Variants in SLC8B1 observed in about 807,000 individuals in gnomAD.
SLC8B1 encodes the protein solute carrier family 8 member B1.
Under a neutral mutation model 63.4 loss-of-function variants are expected in SLC8B1, and 52 were observed. That is an observed-to-expected ratio of 0.82 (90% confidence interval 0.66 to 1.03). SLC8B1 has a LOEUF of 1.03. Ranked by LOEUF, SLC8B1 falls within the 50% of genes least tolerant of loss-of-function variation. The probability of loss-of-function intolerance (pLI) is 0.00; values close to 1 mark genes in which losing one functional copy is unlikely to be tolerated. For missense variants in SLC8B1, 657 were observed against 741.7 expected (o/e 0.89, Z 1.33); for synonymous variants, 336 against 323.9 (o/e 1.04, Z -0.40).
chr12:113,312,885 C>T (rs373834440), intron 11 of SLC8B1, among the ~76,000 whole-genome samples: 27 of 152,112 alleles, frequency 1.8e-4, no homozygotes, highest in Admixed American at 5.2e-4. Flanking sequence ...TTAGGAGGAC[C>T]GAGTAAGGTG....
In SLC8B1 at chr12:113,321,074, C is replaced by A. The variant is rs1956920545; in HGVS notation, c.344G>T (p.Gly115Val). The A allele has an allele frequency of 6.2e-7, 1 of 1,613,494 alleles. No homozygotes were observed. The highest frequency in any genetic ancestry group is 1.3e-5 in the African/African-American group (1 of 74,900). ...SWLLYLFLIL[G>V]VTAAKFFCPN... ...AACTCACAACTTGGCTGCGGTGACT[C>A]CCAGAATCAGAAACAGGTAGAGCAG... The change falls in exon 4 of 16, where the codon GGA becomes GTA. Residue 115 changes from glycine (G) to valine (V), a missense_variant. Gly to Val is a moderately radical substitution (Grantham distance 109). Coordinates refer to ENST00000680972, the MANE Select transcript of SLC8B1 (RefSeq NM_001358345.2).
At position 113,321,307 on chromosome 12, in the gene SLC8B1, G is replaced by A. The variant is rs755632264; in HGVS notation, c.198C>T (p.Asp66=). 2.5e-6 allele frequency: 4 copies of A among 1,614,166 alleles called. No homozygotes were observed. The highest frequency in any genetic ancestry group is 3.4e-6 in the Non-Finnish European group (4 of 1,180,036). ...GGCAGTCAGGGTTGGTCCGGATGAA[G>A]TCACAGCGGTCAGAGACATTCAGGC... The part of the protein sequence containing the change: ...VCGLNVSDRC[D]FIRTNPDCHS... The change falls in exon 3 of 16, where the codon GAC becomes GAT. Residue 66 remains aspartate, a synonymous_variant. Transcript: ENST00000680972.
intron 13 of SLC8B1, 131 bp from the exon 14 acceptor site, chr12:113,306,706 C>T (rs1956680763): frequency 2.8e-6 from 2 of 724,476 alleles, no homozygotes; most frequent in East Asian, 2.7e-5. Context: ...TGCCTGGGCA[C>T]TAGCTGGTGG....
At position 113,307,912 on chromosome 12, in the gene SLC8B1, C is replaced by T; in HGVS notation, c.1258-68G>A. On this transcript the variant is annotated intron_variant, in intron 12 of 15. Coordinates refer to ENST00000680972, the MANE Select transcript of SLC8B1 (RefSeq NM_001358345.2). ...ACAGGAACACAGCCTCAGTTCCTCA[C>T]CTGTGAAACGGGATGATAACAGTAT... 3 of 1,554,886 alleles carry T rather than the reference C, an allele frequency of 1.9e-6. No homozygotes were observed. The Admixed American group carries it at 5.4e-5, about 28-fold the overall frequency.
At chr12:113,323,554 C>T (rs1956958308) in intron 2 of SLC8B1, among the ~76,000 whole-genome samples, 1 of 152,004 alleles carries the variant, frequency 6.6e-6, no homozygotes, top group Non-Finnish European at 1.5e-5. Flanking sequence ...ACTAAAAATA[C>T]AAAAATGAGC....
In SLC8B1 at chr12:113,298,833, A is replaced by G. The variant is rs1174074653; in HGVS notation, c.*944T>C. On this transcript the variant is annotated 3_prime_UTR_variant, in exon 16 of 16. Coordinates refer to ENST00000680972, the MANE Select transcript of SLC8B1 (RefSeq NM_001358345.2). Reference sequence around the variant, plus strand: ...AGTTGAATCCCTTTTCTTTACCAGCATAAGGCAGTCAGGCAAACCTAAGAG... The same window carrying G: ...AGTTGAATCCCTTTTCTTTACCAGCGTAAGGCAGTCAGGCAAACCTAAGAG... The G allele has an allele frequency of 6.6e-6, 1 of 152,236 alleles. No homozygotes were observed. Among genetic ancestry groups the G allele is most frequent in the African/African-American group, 2.4e-5 (1 of 41,440 alleles). The allele number at this position is 152,236 out of a possible 1,614,324, so 9.4% of individuals were successfully genotyped here.
chr12:113,302,693 C>G (rs1259547661), intron 15 of SLC8B1: 1 of 456,124 alleles, frequency 2.2e-6, no homozygotes. Context: ...CACCTGCATC[C>G]TCCTCGTCTC....
rs141705555 is a variant in SLC8B1 at position 113,306,417 on chromosome 12, C to T, written c.1492+78G>A. 3.9e-6 allele frequency: 5 copies of T among 1,273,054 alleles called. No individual in the cohort carries two copies. In the African/African-American group the frequency reaches 6.0e-5, roughly 15 times the overall value. The allele number at this position is 1,273,054 out of a possible 1,614,324, so 78.9% of individuals were successfully genotyped here. ...CAGGTGTTACACCGAGAACCAATCC[C>T]CAGGGTGGGGCATGGAGCACACCCC... On this transcript the variant is annotated intron_variant, in intron 14 of 15. Coordinates refer to ENST00000680972, the MANE Select transcript of SLC8B1 (RefSeq NM_001358345.2).
intron 13 of SLC8B1, chr12:113,306,946 A>G (rs1243842218): frequency 3.4e-6 from 1 of 290,754 alleles, no homozygotes; most frequent in Non-Finnish European, 6.3e-6. Flanking sequence ...CCTTGTCTCT[A>G]TTAAAAATAC....
intron 1 of SLC8B1, among the ~76,000 whole-genome samples, chr12:113,333,655 CG>C: frequency 6.6e-6 from 1 of 152,040 alleles, no homozygotes; most frequent in Admixed American, 6.5e-5. Context: ...GTCACCCCCC[CG>C]CCCCCCACCC....
In SLC8B1 at chr12:113,298,821, T is replaced by C. The variant is rs148972977; in HGVS notation, c.*956A>G. The C allele has an allele frequency of 6.6e-6, 1 of 152,394 alleles. No individual in the cohort carries two copies. Among genetic ancestry groups the C allele is most frequent in the Non-Finnish European group, 1.5e-5 (1 of 68,036 alleles). The allele number at this position is 152,394 out of a possible 1,614,324, so 9.4% of individuals were successfully genotyped here. A position where few individuals can be genotyped will look rare whatever the true frequency, so the allele number is the denominator to read the frequency against. On this transcript the variant is annotated 3_prime_UTR_variant, in exon 16 of 16. Coordinates refer to ENST00000680972, the MANE Select transcript of SLC8B1 (RefSeq NM_001358345.2). ...TGGAAAAGAGACAGTTGAATCCCTT[T>C]TCTTTACCAGCATAAGGCAGTCAGG... is the stretch of plus-strand genomic sequence containing the variant.
Position 113,306,066 on chromosome 12 carries a change from C to CAAAAAAAAAAAAA in SLC8B1, c.1492+416_1492+428dup, listed in dbSNP as rs60824560. Among the ~76,000 whole-genome samples, 50 of 18,088 alleles carry CAAAAAAAAAAAAA rather than the reference C, an allele frequency of 2.8e-3. 3 individuals carry two copies. Among genetic ancestry groups the CAAAAAAAAAAAAA allele is most frequent in the Non-Finnish European group, 4.8e-3 (39 of 8,178 alleles). 11.9% of individuals were successfully genotyped at this position (18,088 alleles called of 152,430 possible). A position where few individuals can be genotyped will look rare whatever the true frequency, so the allele number is the denominator to read the frequency against. ...CGAGCCAGACTCCGTCCCCACCCTGCAAAAAAAAAAAAAAAAAAAAAAAAA... is the reference window on the plus strand; with the variant it reads ...CGAGCCAGACTCCGTCCCCACCCTGCAAAAAAAAAAAAAAAAAAAAAAAAAAAAAAAAAAAAAA... On this transcript the variant is annotated intron_variant, in intron 14 of 15. Coordinates refer to ENST00000680972, the MANE Select transcript of SLC8B1 (RefSeq NM_001358345.2).
intron 2 of SLC8B1, among the ~76,000 whole-genome samples, chr12:113,331,918 G>C (rs1023724143): frequency 2.0e-5 from 3 of 152,002 alleles, no homozygotes; most frequent in African/African-American, 7.2e-5. Flanking sequence ...AAGGCCTTTT[G>C]TAATCTGCCC....
chr12:113,299,768 C>T lies in SLC8B1; in HGVS notation c.*9G>A, dbSNP rs932958935. The T allele has an allele frequency of 1.1e-5, 17 of 1,613,604 alleles. No individual in the cohort carries two copies. The highest frequency in any genetic ancestry group is 1.4e-5 in the Non-Finnish European group (16 of 1,179,832). On this transcript the variant is annotated 3_prime_UTR_variant, in exon 16 of 16. Coordinates refer to ENST00000680972, the MANE Select transcript of SLC8B1 (RefSeq NM_001358345.2). ...CCTGCAGTGAGGCCACAGCACTAAG[C>T]GGCTTCAGTCACATGCTTTTCAGGT...
chr12:113,332,888 C>T lies in SLC8B1; in HGVS notation c.-10G>A, dbSNP rs748719383. ...GCCTTCTGCCGGCCATCTGCCCCCA[C>T]GGGGCCTGGCCCTTACTCTCCACTT... On this transcript the variant is annotated 5_prime_UTR_variant, in exon 2 of 16. It adds an upstream start codon to the 5' untranslated region. Coordinates refer to ENST00000680972, the MANE Select transcript of SLC8B1 (RefSeq NM_001358345.2). 43 of 1,613,074 alleles carry T rather than the reference C, an allele frequency of 2.7e-5. 1 individual carries two copies. In the East Asian group the frequency reaches 3.3e-4, roughly 13 times the overall value.
At chr12:113,301,231 C>T (rs750223893) in intron 15 of SLC8B1, among the ~76,000 whole-genome samples, 1 of 151,502 alleles carries the variant, frequency 6.6e-6, no homozygotes, top group Non-Finnish European at 1.5e-5. Flanking sequence ...CAAACATAAA[C>T]AGTAGAGTCT....
In SLC8B1 at chr12:113,306,850, C is replaced by T. The variant is rs572742951; in HGVS notation, c.1412-275G>A. ...TACCAGCTGGGCACAGTGGCTCACACCTGTAATCCCAGCACTTTGGGAGGC... is the reference window on the plus strand; with the variant it reads ...TACCAGCTGGGCACAGTGGCTCACATCTGTAATCCCAGCACTTTGGGAGGC... On this transcript the variant is annotated intron_variant, in intron 13 of 15. Transcript: ENST00000680972. 696 of 495,372 alleles carry T rather than the reference C, an allele frequency of 1.4e-3. 3 individuals are homozygous for T. The highest frequency in any genetic ancestry group is 7.0e-3 in the South Asian group (178 of 25,560). The allele number at this position is 495,372 out of a possible 1,614,324, so 30.7% of individuals were successfully genotyped here. A position where few individuals can be genotyped will look rare whatever the true frequency, so the allele number is the denominator to read the frequency against.
chr12:113,318,157 TTG>T (rs1263347329), intron 8 of SLC8B1, among the ~76,000 whole-genome samples: 4 of 152,242 alleles, frequency 2.6e-5, no homozygotes, highest in Admixed American at 6.5e-5. Context: ...CATGCATGTT[TTG>T]TGTTGCAGAT....
At chr12:113,306,636 C>T (rs775261101) in intron 13 of SLC8B1, 61 bp from the exon 14 acceptor site, 18 of 1,376,728 alleles carry the variant, frequency 1.3e-5, no homozygotes, top group Non-Finnish European at 1.9e-5. Context: ...CCCTGGTCAT[C>T]CACGCCTTCA....
Sources: gnomAD v4.1 joint callset for allele counts (sites outside exome capture counted in the v4.1 genomes callset) on GRCh38, gnomAD v4.1.1 for gene constraint, MANE v1.5 for transcripts, NCBI Gene and HGNC (gene_info 2026-07-23, HGNC 2026-07-21) for gene names.